The following TNRC6B variants were observed in gnomAD, a reference collection of about 807,000 sequenced individuals.
TNRC6B encodes trinucleotide repeat-containing gene 6B protein.
TNRC6B carries 52 observed loss-of-function variants against 203.6 expected under a neutral mutation model. The observed-to-expected ratio is 0.26, with a 90% CI of 0.20 to 0.32. TNRC6B has a LOEUF of 0.32. Among genes scored for constraint, TNRC6B ranks in the 10% least tolerant of loss-of-function variants. The probability of loss-of-function intolerance (pLI) is 1.00; values close to 1 mark genes in which losing one functional copy is unlikely to be tolerated. For synonymous variants in TNRC6B, 838 were observed against 845.7 expected, an observed-to-expected ratio of 0.99 and a Z score of 0.16; for missense variants, 1,923 against 2,286.2, an observed-to-expected ratio of 0.84 and a Z score of 3.24.
At chr22:40,270,564 C>A (rs1224543186) in intron 6 of TNRC6B, among the ~76,000 whole-genome samples, 3 of 152,010 alleles carry the variant, frequency 2.0e-5, no homozygotes, top group African/African-American at 7.2e-5. Flanking sequence ...GTGATCCACC[C>A]GCCTTGGCCT....
intron 1 of TNRC6B, among the ~76,000 whole-genome samples, chr22:40,104,082 C>G (rs2068262114): frequency 6.6e-6 from 1 of 151,894 alleles, no homozygotes; most frequent in Admixed American, 6.6e-5. Flanking sequence ...GAAACCCTGT[C>G]TCTACTAAAA....
chr22:40,160,827 C>A (rs906226403), intron 4 of TNRC6B, among the ~76,000 whole-genome samples: 1 of 152,140 alleles, frequency 6.6e-6, no homozygotes, highest in Non-Finnish European at 1.5e-5. Flanking sequence ...ACCTCAGCCT[C>A]CCAAAGTCCT....
rs1384276321 is a variant in TNRC6B at position 40,312,632 on chromosome 22, G to A, written c.4563G>A (p.Leu1521=). ...CCATTGTAGATACTGACCACCAACT[G>A]CTGCGGGATAACACCACAGGTACTT... ...TSPIVDTDHQ[L]LRDNTTGSNS... Residue 1521 remains leucine, a synonymous_variant, in exon 18 of 23, where the codon CTG becomes CTA. Coordinates refer to ENST00000454349, the MANE Select transcript of TNRC6B (RefSeq NM_001162501.2). 1.2e-6 allele frequency: 2 copies of A among 1,612,144 alleles called. No individual in the cohort carries two copies. Among genetic ancestry groups the A allele is most frequent in the East Asian group, 4.5e-5 (2 of 44,878 alleles).
chr22:40,221,101 T>TA (rs1405967464), intron 1 of TNRC6B, among the ~76,000 whole-genome samples: 1 of 152,158 alleles, frequency 6.6e-6, no homozygotes, highest in African/African-American at 2.4e-5. Context: ...ACTCTGTCGA[T>TA]ACCTGTAGCA....
chr22:40,270,852 G>C lies in TNRC6B; in HGVS notation c.2965+572G>C, dbSNP rs116989927. On this transcript the variant is annotated intron_variant, in intron 6 of 22. Coordinates refer to ENST00000454349, the MANE Select transcript of TNRC6B (RefSeq NM_001162501.2). ...AGTATCTGGACAGAATTATAATTTT[G>C]ATGTGATGCTCTTTTAGCCCAGTGA... Among the ~76,000 whole-genome samples, 641 of 152,284 alleles carry C rather than the reference G, an allele frequency of 4.2e-3. 3 individuals carry two copies. The highest frequency in any genetic ancestry group is 0.014 in the Middle Eastern group (4 of 294).
At chr22:40,086,137 C>G (rs1244769185) in intron 1 of TNRC6B, among the ~76,000 whole-genome samples, 1 of 152,126 alleles carries the variant, frequency 6.6e-6, no homozygotes, top group African/African-American at 2.4e-5. Flanking sequence ...TCCCAGAGTG[C>G]TGGGATTACA....
At chr22:40,129,895 A>C (rs1036308843) in intron 3 of TNRC6B, among the ~76,000 whole-genome samples, 1 of 152,184 alleles carries the variant, frequency 6.6e-6, no homozygotes, top group African/African-American at 2.4e-5. Context: ...TACTTTGTAC[A>C]TGTTTTAAAT....
intron 1 of TNRC6B, among the ~76,000 whole-genome samples, chr22:40,196,266 C>T (rs1031217462): frequency 5.3e-5 from 8 of 150,608 alleles, no homozygotes; most frequent in African/African-American, 1.7e-4. Context: ...CCTTCCATCT[C>T]AGCTACCAGA....
At chr22:40,241,921 A>G (rs1050065391) in intron 1 of TNRC6B, among the ~76,000 whole-genome samples, 3 of 152,214 alleles carry the variant, frequency 2.0e-5, no homozygotes, top group African/African-American at 4.8e-5. Context: ...AGCTTGTAGG[A>G]GCACTTCAAA....
rs1014796518 is a variant in TNRC6B, at chr22:40,050,906, C to T, written c.-121+5908C>T. Among the ~76,000 whole-genome samples, 226 of 151,382 alleles carry T rather than the reference C, an allele frequency of 1.5e-3. 1 individual carries two copies. Among genetic ancestry groups the T allele is most frequent in the Non-Finnish European group, 5.9e-4 (40 of 67,870 alleles). On this transcript the variant is annotated intron_variant, in intron 1 of 23. Transcript: ENST00000301923. ...GTGGCGTGATCTCGGCTCACTGCAA[C>T]GTCTGCCTCCTGGGTTCAAGCAATT...
chr22:40,236,718 T>C (rs2069952398), intron 1 of TNRC6B, among the ~76,000 whole-genome samples: 1 of 152,198 alleles, frequency 6.6e-6, no homozygotes, highest in Admixed American at 6.5e-5. Flanking sequence ...ATTAAGGTTC[T>C]TATCATCCTT....
intron 1 of TNRC6B, among the ~76,000 whole-genome samples, chr22:40,086,998 C>T (rs1030135833): frequency 6.6e-6 from 1 of 152,172 alleles, no homozygotes; most frequent in Non-Finnish European, 1.5e-5. Context: ...GTAGGCTCCC[C>T]TCTCACAGAC....
intron 3 of TNRC6B, among the ~76,000 whole-genome samples, chr22:40,139,176 A>G (rs942939596): frequency 6.6e-6 from 1 of 152,172 alleles, no homozygotes; most frequent in Non-Finnish European, 1.5e-5. Context: ...CATTCCATAT[A>G]AATAGAATCA....
rs1231913869 is a variant in TNRC6B, at chr22:40,212,040, G to A, written c.5+33900G>A. ...CTTTGCTTAGTAGGTGCCTTCCATG[G>A]TTCCTCACCAAGATGAAGTTCAAAT... On this transcript the variant is annotated intron_variant, in intron 1 of 22. Transcript: ENST00000454349. Among the ~76,000 whole-genome samples, 3 of 152,142 alleles carry A rather than the reference G, an allele frequency of 2.0e-5. No individual in the cohort carries two copies. The East Asian group carries it at 5.8e-4, about 29-fold the overall frequency.
intron 1 of TNRC6B, among the ~76,000 whole-genome samples, chr22:40,241,800 T>G (rs5757888): frequency 0.32 from 48,750 of 152,124 alleles, 9,595 homozygotes; most frequent in East Asian, 0.57. Context: ...CATTTCAATT[T>G]ATTCATTTGC....
Position 40,285,676 on chromosome 22 carries a change from C to T in TNRC6B, c.3614C>T (p.Thr1205Ile). Residue 1205 changes from threonine (T) to isoleucine (I), a missense_variant, in exon 12 of 23, where the codon ACA becomes ATA. Physicochemically the swap from Thr to Ile is moderately conservative, Grantham distance 89 (BLOSUM62 -1). Coordinates refer to ENST00000454349, the MANE Select transcript of TNRC6B (RefSeq NM_001162501.2). ...GGSHGLFGNSTAQSRGLHTPV... is the reference protein window; with the variant it reads ...GGSHGLFGNSIAQSRGLHTPV... ...AGTCATGGTTTGTTTGGAAACAGCA[C>T]AGCACAATCGAGAGGTCTGCACACA... The T allele has an allele frequency of 6.2e-7, 1 of 1,613,906 alleles. No homozygotes were observed. The highest frequency in any genetic ancestry group is 8.5e-7 in the Non-Finnish European group (1 of 1,179,878).
chr22:40,230,211 T>C (rs2146448925), intron 1 of TNRC6B, among the ~76,000 whole-genome samples: 1 of 152,224 alleles, frequency 6.6e-6, no homozygotes, highest in Non-Finnish European at 1.5e-5. Flanking sequence ...GTTGAATATC[T>C]TTTTATGTGT....
At position 40,323,532 on chromosome 22, in the gene TNRC6B, C is replaced by G. The variant is rs1661465884; in HGVS notation, c.*291C>G. The G allele has an allele frequency of 8.1e-6, 2 of 246,962 alleles. No homozygotes were observed. Among genetic ancestry groups the G allele is most frequent in the Non-Finnish European group, 1.5e-5 (2 of 129,668 alleles). 15.3% of individuals were successfully genotyped at this position (246,962 alleles called of 1,614,324 possible). On this transcript the variant is annotated 3_prime_UTR_variant, in exon 23 of 23. Transcript: ENST00000454349. ...AGACAATGTGAAGCAAGTACACATACCATTTAAATTTAAACACAAAAAAAT... is the reference window on the plus strand; with the variant it reads ...AGACAATGTGAAGCAAGTACACATAGCATTTAAATTTAAACACAAAAAAAT...
At chr22:40,181,771 C>T (rs1019879309) in intron 1 of TNRC6B, among the ~76,000 whole-genome samples, 3 of 151,802 alleles carry the variant, frequency 2.0e-5, no homozygotes, top group African/African-American at 7.3e-5. Context: ...AAAACCCTGT[C>T]CCTACAAGAA....
Sources: gnomAD v4.1 joint callset for allele counts (sites outside exome capture counted in the v4.1 genomes callset) on GRCh38, gnomAD v4.1.1 for gene constraint, MANE v1.5 for transcripts, NCBI Gene and HGNC (gene_info 2026-07-23, HGNC 2026-07-21) for gene names.